CSNK1G3: variants seen among roughly 807,000 people sequenced by gnomAD.
CSNK1G3 encodes casein kinase I isoform gamma-3.
Under a neutral mutation model 64.3 loss-of-function variants are expected in CSNK1G3, and 23 were observed. The observed-to-expected ratio is 0.36, with a 90% CI of 0.26 to 0.51. CSNK1G3 has a LOEUF of 0.51. CSNK1G3 is among the 20% of genes least tolerant of loss of function. CSNK1G3 has a pLI of 0.96. For missense variants in CSNK1G3, 357 were observed against 510.5 expected (o/e 0.70, Z 2.90); for synonymous variants, 158 against 162.2 (o/e 0.97, Z 0.20).
chr5:123,584,771 A>G (rs1341857999), intron 6 of CSNK1G3, among the ~76,000 whole-genome samples: 5 of 152,182 alleles, frequency 3.3e-5, no homozygotes, highest in Non-Finnish European at 5.9e-5. Flanking sequence ...ATGCAGAGCT[A>G]TTCACATTTT....
chr5:123,608,224 C>T (rs1215587003), intron 12 of CSNK1G3, among the ~76,000 whole-genome samples: 2 of 152,118 alleles, frequency 1.3e-5, no homozygotes, highest in African/African-American at 2.4e-5. Context: ...AGCAGAGATC[C>T]TTCTCACCCC....
intron 12 of CSNK1G3, among the ~76,000 whole-genome samples, chr5:123,613,411 A>ATG (rs34051969): frequency 0.34 from 50,112 of 148,570 alleles, 8,812 homozygotes; most frequent in East Asian, 0.65. Flanking sequence ...TGTCCAGTGC[A>ATG]TGTGTGTGTG....
intron 10 of CSNK1G3, among the ~76,000 whole-genome samples, chr5:123,600,035 A>C (rs576648462): frequency 2.0e-5 from 3 of 152,120 alleles, no homozygotes; most frequent in African/African-American, 7.2e-5. Context: ...AAGAGTATCA[A>C]TTATACCTTT....
intron 6 of CSNK1G3, among the ~76,000 whole-genome samples, chr5:123,576,986 A>G (rs546227403): frequency 3.3e-5 from 5 of 152,198 alleles, no homozygotes; most frequent in East Asian, 1.9e-4. Context: ...ACTTATGTCT[A>G]TATGAACTTA....
At chr5:123,573,261 G>A in intron 4 of CSNK1G3, 132 bp from the exon 5 acceptor site, 2 of 918,508 alleles carry the variant, frequency 2.2e-6, no homozygotes, top group South Asian at 3.2e-5. Flanking sequence ...GTCAGGAAAA[G>A]TATGTATCTG....
chr5:123,517,138 A>T (rs1027372311), intron 1 of CSNK1G3, among the ~76,000 whole-genome samples: 2 of 152,186 alleles, frequency 1.3e-5, no homozygotes, highest in Non-Finnish European at 2.9e-5. Flanking sequence ...GACTCTCGGG[A>T]ACACCCTATT....
intron 2 of CSNK1G3, among the ~76,000 whole-genome samples, chr5:123,546,786 C>A (rs79648331): frequency 0.012 from 1,790 of 152,102 alleles, 41 homozygotes; most frequent in African/African-American, 0.04. Context: ...TTGTGAAGTA[C>A]CCTAATTTGT....
In CSNK1G3 at chr5:123,603,368, C is replaced by T. The variant is rs541356921; in HGVS notation, c.1087-1356C>T. ...ATTTGGGAGAATTTGGGAATTTCCTCATTTTTATCTTGTTTCAGGATTTCA... is the reference window on the plus strand; with the variant it reads ...ATTTGGGAGAATTTGGGAATTTCCTTATTTTTATCTTGTTTCAGGATTTCA... On this transcript the variant is annotated intron_variant, in intron 10 of 12. Coordinates refer to ENST00000345990, the Ensembl canonical transcript of CSNK1G3. Among the ~76,000 whole-genome samples the T allele has an allele frequency of 3.9e-5, 6 of 152,006 alleles. No homozygotes were observed. In the South Asian group the frequency reaches 1.2e-3, roughly 32 times the overall value.
At chr5:123,562,681 A>G (rs1786002590) in intron 4 of CSNK1G3, among the ~76,000 whole-genome samples, 1 of 152,116 alleles carries the variant, frequency 6.6e-6, no homozygotes, top group Non-Finnish European at 1.5e-5. Context: ...TTTCATTTGT[A>G]TTATCCTATG....
At chr5:123,546,539 T>C (rs968014358) in intron 2 of CSNK1G3, among the ~76,000 whole-genome samples, 1 of 152,114 alleles carries the variant, frequency 6.6e-6, no homozygotes, top group African/African-American at 2.4e-5. Flanking sequence ...TAACTTCCAG[T>C]ACAGTAGTGA....
intron 12 of CSNK1G3, among the ~76,000 whole-genome samples, 175 bp from the exon 14 acceptor site, chr5:123,614,167 C>A (rs568844218): frequency 6.6e-6 from 1 of 152,270 alleles, no homozygotes; most frequent in South Asian, 2.1e-4. Context: ...GTGAATGAAA[C>A]ATAATAGTAA....
exon 5 of CSNK1G3, chr5:123,573,427 T>C: frequency 6.2e-7 from 1 of 1,614,068 alleles, no homozygotes. Context: ...TCGGCCCTTG[T>C]GGTAAATACA....
At chr5:123,593,210 C>A (rs1226826319) in intron 10 of CSNK1G3, among the ~76,000 whole-genome samples, 1 of 151,146 alleles carries the variant, frequency 6.6e-6, no homozygotes, top group South Asian at 2.1e-4. Flanking sequence ...TATACACACA[C>A]ACACACACAC....
chr5:123,602,528 A>C (rs1472921969), intron 10 of CSNK1G3, among the ~76,000 whole-genome samples: 1 of 152,178 alleles, frequency 6.6e-6, no homozygotes, highest in East Asian at 1.9e-4. Context: ...GTAGCCCATG[A>C]CAGGGTTGCT....
intron 2 of CSNK1G3, 143 bp from the exon 3 acceptor site, chr5:123,552,964 C>T (rs1581086080): frequency 4.4e-6 from 2 of 457,928 alleles, no homozygotes; most frequent in Non-Finnish European, 8.0e-6. Flanking sequence ...TGAATATTTC[C>T]TTGTTAAGTT....
Position 123,525,039 on chromosome 5 carries a change from G to A in CSNK1G3, c.-248+12469G>A, listed in dbSNP as rs117723898. Among the ~76,000 whole-genome samples the A allele has an allele frequency of 2.7e-3, 411 of 152,268 alleles. 18 individuals are homozygous for A. The East Asian group carries it at 0.074, about 27-fold the overall frequency. On this transcript the variant is annotated intron_variant, in intron 1 of 12. Coordinates refer to ENST00000345990, the Ensembl canonical transcript of CSNK1G3. ...AAAACTTAACACAGTTAGGTTATAT[G>A]CACTGGCTTTGTGCTCGGAAAGCAC...
At chr5:123,520,444 G>A (rs1195066132) in intron 1 of CSNK1G3, among the ~76,000 whole-genome samples, 1 of 148,486 alleles carries the variant, frequency 6.7e-6, no homozygotes, top group African/African-American at 2.5e-5. Flanking sequence ...AGCTGTCACT[G>A]TGCATTATTT....
intron 12 of CSNK1G3, among the ~76,000 whole-genome samples, chr5:123,607,993 C>G (rs1316644951): frequency 6.6e-6 from 1 of 151,984 alleles, no homozygotes; most frequent in Non-Finnish European, 1.5e-5. Flanking sequence ...TGGAATCTTG[C>G]TGTGTTGCCA....
chr5:123,534,136 C>A (rs558641843), intron 1 of CSNK1G3, among the ~76,000 whole-genome samples: 1 of 151,882 alleles, frequency 6.6e-6, no homozygotes, highest in African/African-American at 2.4e-5. Context: ...CATAAAGTTA[C>A]GTATACTAGA....
Sources: allele counts gnomAD v4.1 joint callset (sites outside exome capture counted in the v4.1 genomes callset), GRCh38; gene constraint gnomAD v4.1.1; transcripts MANE v1.5; gene names NCBI Gene and HGNC (gene_info 2026-07-23, HGNC 2026-07-21).